Variants in HIVEP1 observed in about 807,000 individuals in gnomAD.
HIVEP1 encodes HIVEP zinc finger 1.
HIVEP1 carries 36 observed loss-of-function variants against 180.0 expected under a neutral mutation model. The ratio of observed to expected loss-of-function variants is 0.20; its 90% CI spans 0.15 to 0.26. HIVEP1 has a LOEUF of 0.26. Ranked by LOEUF, HIVEP1 falls within the 10% of genes least tolerant of loss-of-function variation. The pLI, the probability that HIVEP1 is intolerant of heterozygous loss-of-function variation, is 1.00. For synonymous variants in HIVEP1, 1,239 were observed against 1,239.0 expected (o/e 1.00, Z 0.00); for missense variants, 3,143 against 3,268.7 (o/e 0.96, Z 0.94).
At chr6:12,112,693 C>T (rs980055133) in intron 3 of HIVEP1, among the ~76,000 whole-genome samples, 3 of 152,122 alleles carry the variant, frequency 2.0e-5, no homozygotes, top group Admixed American at 2.0e-4. Flanking sequence ...CTCACCGCCC[C>T]CCTAGCAGTG....
At chr6:12,018,137 C>T (rs1032975547) in intron 2 of HIVEP1, among the ~76,000 whole-genome samples, 4 of 152,228 alleles carry the variant, frequency 2.6e-5, no homozygotes, top group African/African-American at 9.6e-5. Context: ...GGGGACCTGG[C>T]GCACCCTTCG....
At chr6:12,082,565 CT>C (rs1379960415) in intron 2 of HIVEP1, among the ~76,000 whole-genome samples, 3 of 152,140 alleles carry the variant, frequency 2.0e-5, no homozygotes, top group African/African-American at 7.2e-5. Context: ...ATGGTTTTAA[CT>C]GCCAGTTATG....
At chr6:12,058,856 G>A (rs769514598) in intron 2 of HIVEP1, among the ~76,000 whole-genome samples, 4 of 152,120 alleles carry the variant, frequency 2.6e-5, no homozygotes, top group Admixed American at 6.5e-5. Flanking sequence ...ATCTATGTAA[G>A]TATGTACATA....
chr6:12,012,973 T>G (rs1767477268), intron 1 of HIVEP1, among the ~76,000 whole-genome samples: 1 of 135,776 alleles, frequency 7.4e-6, no homozygotes, highest in South Asian at 2.5e-4. Flanking sequence ...CTTTCCGGGT[T>G]GGGAGTGCGC....
intron 7 of HIVEP1, among the ~76,000 whole-genome samples, chr6:12,145,867 G>A (rs1004918193): frequency 2.6e-5 from 4 of 152,060 alleles, no homozygotes; most frequent in Non-Finnish European, 4.4e-5. Context: ...CAAATAGTAG[G>A]TAATAAACAG....
At chr6:12,209,901 G>C in the HIVEP1 span, among the ~76,000 whole-genome samples, 1 of 152,166 alleles carries the variant, frequency 6.6e-6, no homozygotes, top group Non-Finnish European at 1.5e-5. Flanking sequence ...AGTAGGCAGT[G>C]ATAAAGCTTG....
intron 2 of HIVEP1, among the ~76,000 whole-genome samples, chr6:12,059,318 G>T (rs1429047437): frequency 6.6e-6 from 1 of 152,110 alleles, no homozygotes; most frequent in Admixed American, 6.5e-5. Flanking sequence ...AATTACAGGC[G>T]TGAGCCACTG....
At position 12,122,204 on chromosome 6, in the gene HIVEP1, A is replaced by G. The variant is rs778059052; in HGVS notation, c.2409A>G (p.Thr803=). Residue 803 remains threonine, a synonymous_variant, in exon 4 of 9, where the codon ACA becomes ACG. Coordinates refer to ENST00000379388, the MANE Select transcript of HIVEP1 (RefSeq NM_002114.4). ...QFDLKPVGRR[T]SSSSDIPKSP... Reference sequence around the variant, plus strand: ...ATTTAAAACCAGTGGGACGGAGAACAAGTTCAAGCTCTGATATACCGAAGT... The same window carrying G: ...ATTTAAAACCAGTGGGACGGAGAACGAGTTCAAGCTCTGATATACCGAAGT... 6.2e-7 allele frequency: 1 copy of G among 1,614,224 alleles called. No individual in the cohort carries two copies. Among genetic ancestry groups the G allele is most frequent in the South Asian group, 1.1e-5 (1 of 91,088 alleles).
upstream of HIVEP1, among the ~76,000 whole-genome samples, chr6:12,011,567 C>T: frequency 6.7e-6 from 1 of 149,924 alleles, no homozygotes; most frequent in Non-Finnish European, 1.5e-5. Flanking sequence ...TCCCTAACCC[C>T]GCCCCTCCCC....
Position 12,124,749 on chromosome 6 carries a change from C to A in HIVEP1, c.4954C>A (p.Leu1652Ile), listed in dbSNP as rs766026011. ...TGTTCCTGCTTACTGTTTTGCTACA[C>A]TCACATCCCTGCCACAAATACTAGT... ...SSVPAYCFAT[L>I]TSLPQILVTQ... The change falls in exon 4 of 9, where the codon CTC becomes ATC. Residue 1652 changes from leucine (L) to isoleucine (I), a missense_variant. Physicochemically the swap from Leu to Ile is conservative, Grantham distance 5. This residue lies in a region of HIVEP1 where 1,357 missense variants were observed against 1,260.5 expected (regional missense o/e 1.08). Transcript: ENST00000379388. The A allele has an allele frequency of 6.2e-7, 1 of 1,614,214 alleles. No individual in the cohort carries two copies. The highest frequency in any genetic ancestry group is 2.2e-5 in the East Asian group (1 of 44,890).
At chr6:12,202,509 A>G in the HIVEP1 span, among the ~76,000 whole-genome samples, 2 of 152,178 alleles carry the variant, frequency 1.3e-5, no homozygotes, top group Admixed American at 1.3e-4. Flanking sequence ...CTTGTTGGAA[A>G]TGGAAAAATG....
the HIVEP1 span, among the ~76,000 whole-genome samples, chr6:12,190,694 T>C: frequency 6.6e-6 from 1 of 152,210 alleles, no homozygotes. Context: ...TCAATTTCTT[T>C]ATCTGTTGGC....
upstream of HIVEP1, among the ~76,000 whole-genome samples, chr6:12,009,345 CG>C (rs1767164953): frequency 6.6e-6 from 1 of 152,090 alleles, no homozygotes; most frequent in Non-Finnish European, 1.5e-5. Flanking sequence ...CCAAGAAAAA[CG>C]TGTGTTGAGC....
chr6:12,178,084 C>G, the HIVEP1 span, among the ~76,000 whole-genome samples: 3 of 152,068 alleles, frequency 2.0e-5, no homozygotes, highest in African/African-American at 7.2e-5. Context: ...AGGTAAGAAA[C>G]AAAACCCCAA....
In HIVEP1 at chr6:12,121,434, C is replaced by A. The variant is rs1440844364; in HGVS notation, c.1639C>A (p.Leu547Ile). The A allele has an allele frequency of 6.2e-7, 1 of 1,614,152 alleles. No homozygotes were observed. The highest frequency in any genetic ancestry group is 1.7e-5 in the Admixed American group (1 of 60,020). The change falls in exon 4 of 9, where the codon CTA becomes ATA. Residue 547 changes from leucine to isoleucine, a missense_variant. By Grantham distance (5) the Leu-to-Ile change is conservative. Transcript: ENST00000379388. The surrounding 1 kb of genome is among the most constrained non-coding windows in gnomAD (Gnocchi z 5.3). ...AGAAAATGTGATAGGTGACTTTTTGCTACAGGACAGATCTGCAGAATCACA... is the reference window on the plus strand; with the variant it reads ...AGAAAATGTGATAGGTGACTTTTTGATACAGGACAGATCTGCAGAATCACA... ...SPENVIGDFLLQDRSAESQAV... is the reference protein window; with the variant it reads ...SPENVIGDFLIQDRSAESQAV...
In HIVEP1 at chr6:12,093,506, G is replaced by A. The variant is rs566681514; in HGVS notation, c.94+4269G>A. On this transcript the variant is annotated intron_variant, in intron 3 of 8. Coordinates refer to ENST00000379388, the MANE Select transcript of HIVEP1 (RefSeq NM_002114.4). ...ATATTTTCTTCTAAAAGACTTTCAC[G>A]TTTCAGATTAAAAACCCATCTGGAG... is the stretch of plus-strand genomic sequence containing the variant. Among the ~76,000 whole-genome samples, 21 of 150,612 alleles carry A rather than the reference G, an allele frequency of 1.4e-4. No homozygotes were observed. The South Asian group carries it at 2.1e-3, about 15-fold the overall frequency.
At chr6:12,098,518 A>G (rs887933125) in intron 3 of HIVEP1, among the ~76,000 whole-genome samples, 1 of 152,328 alleles carries the variant, frequency 6.6e-6, no homozygotes, top group Admixed American at 6.5e-5. Context: ...GTTGCTGTTC[A>G]TCTATTTAGG....
At chr6:12,193,236 G>A in the HIVEP1 span, among the ~76,000 whole-genome samples, 1 of 152,074 alleles carries the variant, frequency 6.6e-6, no homozygotes, top group South Asian at 2.1e-4. Flanking sequence ...AATGAACATA[G>A]TGTAATTTAC....
chr6:12,031,472 C>G (rs1390304256), intron 2 of HIVEP1, among the ~76,000 whole-genome samples: 1 of 152,226 alleles, frequency 6.6e-6, no homozygotes, highest in Non-Finnish European at 1.5e-5. Context: ...GGACCTCAGC[C>G]TCAGGCGGAC....
Sources: gnomAD v4.1 joint callset for allele counts (sites outside exome capture counted in the v4.1 genomes callset) on GRCh38, gnomAD v4.1.1 for gene constraint, gnomAD v4.1.1 regional missense constraint, Gnocchi (gnomAD v3.1) non-coding constraint, MANE v1.5 for transcripts, NCBI Gene and HGNC (gene_info 2026-07-23, HGNC 2026-07-21) for gene names.